FUT9: variants seen among roughly 807,000 people sequenced by gnomAD.
The protein encoded by FUT9 is fucosyltransferase 9.
A neutral mutation model predicts 29.7 loss-of-function variants in FUT9; 15 were observed. The observed-to-expected ratio is 0.51, with a 90% CI of 0.34 to 0.78. The LOEUF is 0.78. Among genes scored for constraint, FUT9 ranks in the 30% least tolerant of loss-of-function variants. The pLI is 0.01. For synonymous variants in FUT9, 169 were observed against 153.7 expected, an observed-to-expected ratio of 1.10 and a Z score of -0.74; for missense variants, 319 against 425.4, an observed-to-expected ratio of 0.75 and a Z score of 2.20.
intron 2 of FUT9, among the ~76,000 whole-genome samples, chr6:96,137,773 T>G (rs998231749): frequency 2.6e-5 from 4 of 152,128 alleles, no homozygotes; most frequent in Non-Finnish European, 5.9e-5. Context: ...TAATATTGAC[T>G]CATTAGTTTT....
At chr6:96,198,745 G>T (rs1352851899) in intron 2 of FUT9, among the ~76,000 whole-genome samples, 1 of 152,130 alleles carries the variant, frequency 6.6e-6, no homozygotes, top group Non-Finnish European at 1.5e-5. Context: ...CAGTGTAAAA[G>T]TGTTCCTATT....
At chr6:96,069,763 C>A (rs141684862) in intron 1 of FUT9, among the ~76,000 whole-genome samples, 437 of 152,004 alleles carry the variant, frequency 2.9e-3, no homozygotes, top group African/African-American at 9.1e-3. Context: ...TCCCTAGTAG[C>A]CGAACTACAG....
At chr6:96,154,697 C>T (rs1295993588) in intron 2 of FUT9, among the ~76,000 whole-genome samples, 1 of 152,088 alleles carries the variant, frequency 6.6e-6, no homozygotes, top group African/African-American at 2.4e-5. Flanking sequence ...TTGTAAGTAT[C>T]ACATCTTCCT....
At chr6:96,081,336 T>A (rs1771234009) in intron 1 of FUT9, among the ~76,000 whole-genome samples, 1 of 151,770 alleles carries the variant, frequency 6.6e-6, no homozygotes, top group Non-Finnish European at 1.5e-5. Flanking sequence ...CCTTCTTGGA[T>A]AATACATTTT....
At chr6:96,040,818 C>A (rs1401911563) in intron 1 of FUT9, among the ~76,000 whole-genome samples, 1 of 152,122 alleles carries the variant, frequency 6.6e-6, no homozygotes, top group African/African-American at 2.4e-5. Context: ...CACCAAGACA[C>A]TGGAAGATGG....
chr6:96,125,500 A>T (rs1340222891), intron 2 of FUT9, among the ~76,000 whole-genome samples: 1 of 152,220 alleles, frequency 6.6e-6, no homozygotes, highest in Non-Finnish European at 1.5e-5. Context: ...TCTATGTGTA[A>T]GTCACTGTGT....
intron 1 of FUT9, among the ~76,000 whole-genome samples, chr6:96,072,978 T>G (rs1771087370): frequency 6.6e-6 from 1 of 152,200 alleles, no homozygotes; most frequent in South Asian, 2.1e-4. Flanking sequence ...ACACTCCTCC[T>G]ACCTTTAGGA....
intron 1 of FUT9, among the ~76,000 whole-genome samples, chr6:96,107,323 A>G (rs1771709284): frequency 6.6e-6 from 1 of 152,224 alleles, no homozygotes; most frequent in African/African-American, 2.4e-5. Context: ...TAGGGATTCC[A>G]TAAATGTTTT....
intron 1 of FUT9, among the ~76,000 whole-genome samples, chr6:96,089,368 G>A (rs1771373485): frequency 6.6e-6 from 1 of 152,086 alleles, no homozygotes; most frequent in African/African-American, 2.4e-5. Context: ...GGCTCCACCT[G>A]GTGTCCCTTT....
At position 96,207,286 on chromosome 6, in the gene FUT9, A is replaced by C. The variant is rs1773850267; in HGVS notation, c.*3051A>C. 1.2e-5 allele frequency: 2 copies of C among 166,836 alleles called. No individual in the cohort carries two copies. Among genetic ancestry groups the C allele is most frequent in the South Asian group, 4.1e-4 (2 of 4,822 alleles). 10.3% of individuals were successfully genotyped at this position (166,836 alleles called of 1,614,324 possible). A position where few individuals can be genotyped will look rare whatever the true frequency, so the allele number is the denominator to read the frequency against. On this transcript the variant is annotated 3_prime_UTR_variant, in exon 3 of 3. Transcript: ENST00000302103. ...GTGACAATAGTTAAGATTTGGATTTAAGGATCCTATCTTTCTTTATCCCAC... is the reference window on the plus strand; with the variant it reads ...GTGACAATAGTTAAGATTTGGATTTCAGGATCCTATCTTTCTTTATCCCAC...
Position 96,205,838 on chromosome 6 carries a change from C to T in FUT9, c.*1603C>T, listed in dbSNP as rs1014452328. 14 of 166,854 alleles carry T rather than the reference C, an allele frequency of 8.4e-5. No homozygotes were observed. In the Admixed American group the frequency reaches 8.5e-4, roughly 10 times the overall value. The allele number at this position is 166,854 out of a possible 1,614,324, so 10.3% of individuals were successfully genotyped here. ...GAATTCAGTAAAAAGGGCATAGATC[C>T]AGCTATCCAGACTATCTTGTGAGAG... is the stretch of plus-strand genomic sequence containing the variant. On this transcript the variant is annotated 3_prime_UTR_variant, in exon 3 of 3. Coordinates refer to ENST00000302103, the MANE Select transcript of FUT9 (RefSeq NM_006581.4).
chr6:96,017,273 G>GT (rs1372920147), intron 1 of FUT9, among the ~76,000 whole-genome samples: 1 of 152,178 alleles, frequency 6.6e-6, no homozygotes, highest in East Asian at 1.9e-4. Flanking sequence ...AGAAAACATT[G>GT]TACCAAGAAG....
chr6:96,110,705 A>C (rs928899132), intron 1 of FUT9, among the ~76,000 whole-genome samples: 2 of 152,134 alleles, frequency 1.3e-5, no homozygotes, highest in African/African-American at 4.8e-5. Flanking sequence ...TCTGTTGCCA[A>C]GGCTGGAGTG....
At chr6:96,050,725 A>T (rs576431204) in intron 1 of FUT9, among the ~76,000 whole-genome samples, 1 of 152,312 alleles carries the variant, frequency 6.6e-6, no homozygotes, top group East Asian at 1.9e-4. Flanking sequence ...TTTTAATGTT[A>T]ATCTCAGTAA....
At chr6:96,067,427 AAGTGCTTT>A (rs1770982752) in intron 1 of FUT9, among the ~76,000 whole-genome samples, 1 of 152,086 alleles carries the variant, frequency 6.6e-6, no homozygotes, top group East Asian at 1.9e-4. Context: ...CAGAAAACAG[AAGTGCTTT>A]AAACATAGGA....
At chr6:96,092,112 C>G (rs1332464653) in intron 1 of FUT9, among the ~76,000 whole-genome samples, 1 of 151,928 alleles carries the variant, frequency 6.6e-6, no homozygotes, top group Non-Finnish European at 1.5e-5. Flanking sequence ...AATACTTTAA[C>G]AGTAAAAAAT....
At chr6:96,200,363 T>C (rs1405477380) in intron 2 of FUT9, among the ~76,000 whole-genome samples, 2 of 152,184 alleles carry the variant, frequency 1.3e-5, no homozygotes, top group African/African-American at 2.4e-5. Context: ...ACGTTTGTAT[T>C]ATTTGTTCAA....
At chr6:96,202,109 C>A (rs1340247615) in intron 2 of FUT9, among the ~76,000 whole-genome samples, 1 of 151,844 alleles carries the variant, frequency 6.6e-6, no homozygotes, top group Non-Finnish European at 1.5e-5. Context: ...TTTCAAATGA[C>A]CCGTGAGAAT....
At chr6:96,136,380 G>C (rs938713619) in intron 2 of FUT9, among the ~76,000 whole-genome samples, 2 of 151,862 alleles carry the variant, frequency 1.3e-5, no homozygotes, top group Admixed American at 1.3e-4. Flanking sequence ...ACTATCTAAA[G>C]AGGTTCTGAA....
Sources: allele counts gnomAD v4.1 joint callset (sites outside exome capture counted in the v4.1 genomes callset), GRCh38; gene constraint gnomAD v4.1.1; transcripts MANE v1.5; gene names NCBI Gene and HGNC (gene_info 2026-07-23, HGNC 2026-07-21).